AMMECR1: variants seen among roughly 807,000 people sequenced by gnomAD.
The protein encoded by AMMECR1 is nuclear protein AMMECR1.
Under a neutral mutation model 22.5 loss-of-function variants are expected in AMMECR1, and 3 were observed. The observed-to-expected ratio is 0.13, with a 90% confidence interval of 0.06 to 0.35. The LOEUF is 0.35. Ranked by LOEUF, AMMECR1 falls within the 10% of genes least tolerant of loss-of-function variation. AMMECR1 has a pLI of 1.00. For synonymous variants in AMMECR1, 130 were observed against 116.7 expected, an observed-to-expected ratio of 1.11 and a Z score of -0.74; for missense variants, 235 against 278.7, an observed-to-expected ratio of 0.84 and a Z score of 1.12.
intron 2 of AMMECR1, among the ~76,000 whole-genome samples, chrX:110,335,513 G>A (rs1459122121): frequency 9.0e-6 from 1 of 111,661 alleles, no homozygotes; most frequent in Non-Finnish European, 1.9e-5. Flanking sequence ...AATCAAACTA[G>A]GGGTTGCCGA....
intron 2 of AMMECR1, among the ~76,000 whole-genome samples, chrX:110,254,795 T>C (rs1286738031): frequency 8.9e-6 from 1 of 112,265 alleles, no homozygotes; most frequent in Non-Finnish European, 1.9e-5. Flanking sequence ...ATTTATTCTT[T>C]AAAATAAGGT....
intron 2 of AMMECR1, among the ~76,000 whole-genome samples, chrX:110,234,840 T>C (rs2067591689): frequency 1.8e-5 from 2 of 111,961 alleles, no homozygotes; most frequent in African/African-American, 6.5e-5. Flanking sequence ...CAAGATGGAT[T>C]AAAGACTTAA....
chrX:110,272,784 T>C (rs1209098946), intron 1 of AMMECR1, among the ~76,000 whole-genome samples: 1 of 112,249 alleles, frequency 8.9e-6, no homozygotes, highest in African/African-American at 3.2e-5. Flanking sequence ...TGTTTCTTAA[T>C]TTACTTAGGA....
At chrX:110,299,670 G>C (rs1004136037) in intron 1 of AMMECR1, among the ~76,000 whole-genome samples, 1 of 111,393 alleles carries the variant, frequency 9.0e-6, no homozygotes, top group African/African-American at 3.3e-5. Flanking sequence ...TCTTATAATT[G>C]AAAGTTTGTA....
At chrX:110,275,071 T>C (rs1602851045) in intron 1 of AMMECR1, among the ~76,000 whole-genome samples, 1 of 111,749 alleles carries the variant, frequency 8.9e-6, no homozygotes, top group African/African-American at 3.2e-5. Flanking sequence ...ATTATTAATT[T>C]TCCTTTAAAT....
chrX:110,407,883 G>A (rs937333129), intron 2 of AMMECR1, among the ~76,000 whole-genome samples: 2 of 112,750 alleles, frequency 1.8e-5, no homozygotes, highest in Admixed American at 9.3e-5. Context: ...CAGGGTTCTG[G>A]TGAGGCACAA....
At chrX:110,362,060 T>C (rs1299888474) in intron 2 of AMMECR1, among the ~76,000 whole-genome samples, 3 of 111,859 alleles carry the variant, frequency 2.7e-5, no homozygotes, top group African/African-American at 9.7e-5. Flanking sequence ...ACATCTAGAA[T>C]AGTACCTGGC....
chrX:110,267,407 A>C (rs767186475), intron 1 of AMMECR1, among the ~76,000 whole-genome samples: 17 of 110,714 alleles, frequency 1.5e-4, no homozygotes, highest in East Asian at 5.7e-4. Flanking sequence ...AAAAAAAAAA[A>C]AACTTTATTT....
At chrX:110,205,284 G>A (rs868611358) in intron 3 of AMMECR1, among the ~76,000 whole-genome samples, 5 of 111,802 alleles carry the variant, frequency 4.5e-5, no homozygotes, top group African/African-American at 1.6e-4. Context: ...TGGCCAACCT[G>A]TGGAAATCAC....
intron 2 of AMMECR1, among the ~76,000 whole-genome samples, chrX:110,393,964 A>G (rs1255965593): frequency 8.9e-6 from 1 of 112,573 alleles, no homozygotes; most frequent in African/African-American, 3.2e-5. Context: ...ATAATAAATG[A>G]CACGATAGGA....
chrX:110,343,007 C>T (rs1256800591), intron 2 of AMMECR1, among the ~76,000 whole-genome samples: 2 of 111,265 alleles, frequency 1.8e-5, no homozygotes, highest in African/African-American at 6.6e-5. Flanking sequence ...CCAGAATCAT[C>T]CTGATACCAA....
intron 2 of AMMECR1, among the ~76,000 whole-genome samples, chrX:110,345,119 G>C (rs2068182879): frequency 8.9e-6 from 1 of 112,145 alleles, no homozygotes; most frequent in Non-Finnish European, 1.9e-5. Context: ...TGATAGACTG[G>C]ATTAAGAAAA....
intron 1 of AMMECR1, among the ~76,000 whole-genome samples, chrX:110,283,111 A>G (rs1373545961): frequency 5.3e-5 from 6 of 112,335 alleles, no homozygotes; most frequent in African/African-American, 1.9e-4. Flanking sequence ...ACTAGCAGGA[A>G]GAAACTTCTG....
chrX:110,273,929 C>T (rs2067812352), intron 1 of AMMECR1, among the ~76,000 whole-genome samples: 2 of 111,958 alleles, frequency 1.8e-5, no homozygotes, highest in Non-Finnish European at 3.8e-5. Flanking sequence ...TGACTCTCAA[C>T]TTGGTCTTTT....
chrX:110,210,775 A>T (rs2067444385), intron 3 of AMMECR1, among the ~76,000 whole-genome samples: 1 of 112,234 alleles, frequency 8.9e-6, no homozygotes, highest in Non-Finnish European at 1.9e-5. Flanking sequence ...GGTTGCTTTT[A>T]AAGTGAAACA....
intron 2 of AMMECR1, among the ~76,000 whole-genome samples, chrX:110,375,902 T>A (rs1477505569): frequency 2.7e-5 from 3 of 111,597 alleles, no homozygotes; most frequent in African/African-American, 9.8e-5. Flanking sequence ...TTCAATGTGC[T>A]TATGGTAGGG....
At chrX:110,265,747 T>G (rs1364554805) in intron 1 of AMMECR1, among the ~76,000 whole-genome samples, 1 of 112,149 alleles carries the variant, frequency 8.9e-6, no homozygotes, top group African/African-American at 3.2e-5. Flanking sequence ...TAAGGGGATA[T>G]ACCATATGTT....
intron 2 of AMMECR1, among the ~76,000 whole-genome samples, chrX:110,237,545 C>T (rs2067608085): frequency 9.0e-6 from 1 of 111,685 alleles, no homozygotes; most frequent in Non-Finnish European, 1.9e-5. Flanking sequence ...TATTACTATG[C>T]ACCAGCACAC....
intron 2 of AMMECR1, among the ~76,000 whole-genome samples, chrX:110,345,182 T>C (rs1446744481): frequency 1.8e-5 from 2 of 111,647 alleles, no homozygotes; most frequent in Admixed American, 9.5e-5. Context: ...ATGATGAGTT[T>C]ATGTCCTTTG....
Sources: gnomAD v4.1 joint callset for allele counts (sites outside exome capture counted in the v4.1 genomes callset) on GRCh38, gnomAD v4.1.1 for gene constraint, MANE v1.5 for transcripts, NCBI Gene and HGNC (gene_info 2026-07-23, HGNC 2026-07-21) for gene names.